The following GOLGA2 variants were observed in gnomAD, a reference collection of about 807,000 sequenced individuals.
The protein encoded by GOLGA2 is golgin A2.
Under a neutral mutation model 148.8 loss-of-function variants are expected in GOLGA2, and 49 were observed. The observed-to-expected ratio is 0.33, with a 90% confidence interval of 0.26 to 0.42. The LOEUF (loss-of-function observed/expected upper bound fraction) is 0.42. Ranked by LOEUF, GOLGA2 falls within the 10% of genes least tolerant of loss-of-function variation. The pLI, the probability that GOLGA2 is intolerant of heterozygous loss-of-function variation, is 1.00. For synonymous variants in GOLGA2, 501 were observed against 511.8 expected (o/e 0.98, Z 0.28); for missense variants, 1,178 against 1,304.6 (o/e 0.90, Z 1.49).
At position 128,261,796 on chromosome 9, in the gene GOLGA2, C is replaced by T; in HGVS notation, c.1135-39G>A. ...AGCGAGAAGTTTAGATCTGGGGAGC[C>T]CAGGCCGTTCCAAATAGTGCCCCTT... On this transcript the variant is annotated intron_variant, in intron 14 of 26. Coordinates refer to ENST00000611957, the MANE Select transcript of GOLGA2 (RefSeq NM_001366244.2). The surrounding 1 kb of genome is among the most constrained non-coding windows in gnomAD (Gnocchi z 5.7). 1 of 1,370,694 alleles carries T rather than the reference C, an allele frequency of 7.3e-7. No individual in the cohort carries two copies. The highest frequency in any genetic ancestry group is 1.2e-5 in the South Asian group (1 of 86,140). The allele number at this position is 1,370,694 out of a possible 1,614,324, so 84.9% of individuals were successfully genotyped here.
Position 128,258,536 on chromosome 9 carries a change from CTCA to C in GOLGA2, c.2205_2207del (p.Asp735del), listed in dbSNP as rs572632320. ...CCACCGCCTCCTCCTCCTCCTCCTCCTCATCCTCCTCCTCCTCCCGGTCCAGTC... is the reference window on the plus strand; with the variant it reads ...CCACCGCCTCCTCCTCCTCCTCCTCCTCCTCCTCCTCCTCCCGGTCCAGTC... On this transcript the variant is annotated inframe_deletion, in exon 22 of 27. Coordinates refer to ENST00000611957, the MANE Select transcript of GOLGA2 (RefSeq NM_001366244.2). The surrounding 1 kb of genome is among the most constrained non-coding windows in gnomAD (Gnocchi z 6.6). The C allele has an allele frequency of 3.9e-4, 611 of 1,556,454 alleles. 2 individuals carry two copies. In the South Asian group the frequency reaches 6.7e-3, roughly 17 times the overall value.
chr9:128,262,510 C>A, intron 14 of GOLGA2, 53 bp downstream of exon 14: 1 of 1,580,174 alleles, frequency 6.3e-7, no homozygotes, highest in African/African-American at 1.3e-5. Flanking sequence ...ATCCCTAGAC[C>A]ATGGCCCCAG....
At position 128,260,747 on chromosome 9, in the gene GOLGA2, T is replaced by C. The variant is rs1830219839; in HGVS notation, c.1476A>G (p.Leu492=). ...TCCGCAGGTGCTCAGCCTCCGCTTG[T>C]AGCTGCTGCTCCACCTCGGAGGGCC... The part of the protein sequence containing the change: ...PAGPSEVEQQ[L]QAEAEHLRKE... Residue 492 remains leucine, a synonymous_variant, in exon 18 of 27, where the codon CTA becomes CTG. Transcript: ENST00000611957. The surrounding 1 kb of genome is among the most constrained non-coding windows in gnomAD (Gnocchi z 4.8). 6.2e-7 allele frequency: 1 copy of C among 1,612,976 alleles called. No homozygotes were observed. The highest frequency in any genetic ancestry group is 8.5e-7 in the Non-Finnish European group (1 of 1,179,780).
At chr9:128,267,363 G>A in intron 7 of GOLGA2, 89 bp from the exon 8 acceptor site, 7 of 1,416,078 alleles carry the variant, frequency 4.9e-6, no homozygotes, top group Non-Finnish European at 6.0e-6. Flanking sequence ...TGTGTGGGCT[G>A]TCTCAGCTGG....
At position 128,260,451 on chromosome 9, in the gene GOLGA2, G is replaced by A. The variant is rs1830186220; in HGVS notation, c.1758+14C>T. 1 of 1,597,466 alleles carries A rather than the reference G, an allele frequency of 6.3e-7. No individual in the cohort carries two copies. Among genetic ancestry groups the A allele is most frequent in the Non-Finnish European group, 8.6e-7 (1 of 1,168,000 alleles). On this transcript the variant is annotated intron_variant, in intron 18 of 26. Transcript: ENST00000611957. This position sits in a 1 kb window ranked among gnomAD's most constrained non-coding sequence, Gnocchi z 4.8. ...CTAGGGAGGAGGGCGGGCTCTCCAGGTGGGGCAGCGCACCAGCTTTACAAA... is the reference window on the plus strand; with the variant it reads ...CTAGGGAGGAGGGCGGGCTCTCCAGATGGGGCAGCGCACCAGCTTTACAAA...
chr9:128,270,070 G>A (rs1290444467), intron 3 of GOLGA2, among the ~76,000 whole-genome samples: 3 of 151,832 alleles, frequency 2.0e-5, no homozygotes, highest in African/African-American at 7.3e-5. Context: ...GGGCCCTCCT[G>A]GCATCTTCGG....
At position 128,260,784 on chromosome 9, in the gene GOLGA2, T is replaced by C; in HGVS notation, c.1439A>G (p.Glu480Gly). Reference sequence around the variant, plus strand: ...CACCTCGGAGGGCCCTGCTGGGGGCTCTGGGGGCGGGGGTTCAGCTGAGAA... The same window carrying C: ...CACCTCGGAGGGCCCTGCTGGGGGCCCTGGGGGCGGGGGTTCAGCTGAGAA... Reference protein sequence around the residue: ...RNQMAEPPPPEPPAGPSEVEQ... With the variant: ...RNQMAEPPPPGPPAGPSEVEQ... The change falls in exon 18 of 27, where the codon GAG becomes GGG. Residue 480 changes from glutamate (E) to glycine (G), a missense_variant. Transcript: ENST00000611957. This position sits in a 1 kb window ranked among gnomAD's most constrained non-coding sequence, Gnocchi z 4.8. 6.2e-7 allele frequency: 1 copy of C among 1,608,052 alleles called. No homozygotes were observed. Among genetic ancestry groups the C allele is most frequent in the African/African-American group, 1.3e-5 (1 of 74,908 alleles).
intron 6 of GOLGA2, 29 bp downstream of exon 6, chr9:128,267,905 C>G (rs770214692): frequency 2.6e-6 from 4 of 1,559,604 alleles, no homozygotes; most frequent in East Asian, 2.2e-5. Flanking sequence ...TTCCCCCCAC[C>G]CCGCTCTCGG....
Position 128,257,442 on chromosome 9 carries a change from G to C in GOLGA2, c.2802C>G (p.Ala934=), listed in dbSNP as rs1829951053. 6.2e-7 allele frequency: 1 copy of C among 1,612,916 alleles called. No homozygotes were observed. The highest frequency in any genetic ancestry group is 8.5e-7 in the Non-Finnish European group (1 of 1,179,978). ...AAGTGGGCTCATCAGCAGGGTTCTG[G>C]GCAGCTGCCAGGAATCTGCCATGCC... is the stretch of plus-strand genomic sequence containing the variant. The part of the protein sequence containing the change: ...NEWHGRFLAA[A]QNPADEPTSG... The change falls in exon 26 of 27, where the codon GCC becomes GCG. Residue 934 remains alanine, a synonymous_variant. Transcript: ENST00000611957. This position sits in a 1 kb window ranked among gnomAD's most constrained non-coding sequence, Gnocchi z 8.0.
rs1209406829 is a variant in GOLGA2 at position 128,258,108 on chromosome 9, G to A, written c.2380C>T (p.Arg794Cys). 6.2e-7 allele frequency: 1 copy of A among 1,609,266 alleles called. No individual in the cohort carries two copies. Among genetic ancestry groups the A allele is most frequent in the Non-Finnish European group, 8.5e-7 (1 of 1,179,584 alleles). ...QLKEQRVRCRRLAHLLASAQK... is the reference protein window; with the variant it reads ...QLKEQRVRCRCLAHLLASAQK... Reference sequence around the variant, plus strand: ...GCCGAGGCCAGCAGGTGAGCCAGGCGCCGGCAGCGCACCCTTTGCTCCTTC... The same window carrying A: ...GCCGAGGCCAGCAGGTGAGCCAGGCACCGGCAGCGCACCCTTTGCTCCTTC... The change falls in exon 23 of 27, where the codon CGC becomes TGC. Residue 794 changes from arginine to cysteine, a missense_variant. Arg to Cys is a radical substitution (Grantham distance 180, BLOSUM62 -3). Around this residue, in one of 5 missense-constraint regions of GOLGA2, gnomAD observed 529 missense variants for 521.8 expected, o/e 1.01. Coordinates refer to ENST00000611957, the MANE Select transcript of GOLGA2 (RefSeq NM_001366244.2). The surrounding 1 kb of genome is among the most constrained non-coding windows in gnomAD (Gnocchi z 6.6).
Position 128,256,980 on chromosome 9 carries a change from G to T in GOLGA2, c.*87C>A, listed in dbSNP as rs1829904789. On this transcript the variant is annotated 3_prime_UTR_variant, in exon 27 of 27. Coordinates refer to ENST00000611957, the MANE Select transcript of GOLGA2 (RefSeq NM_001366244.2). Reference sequence around the variant, plus strand: ...CTATGCTTGCTACTGTAAGGGTAAAGGGTTGACTGAGAAGGGATGGTAGGG... The same window carrying T: ...CTATGCTTGCTACTGTAAGGGTAAATGGTTGACTGAGAAGGGATGGTAGGG... 23 of 1,000,978 alleles carry T rather than the reference G, an allele frequency of 2.3e-5. No homozygotes were observed. The South Asian group carries it at 3.4e-4, about 15-fold the overall frequency. The allele number at this position is 1,000,978 out of a possible 1,614,324, so 62.0% of individuals were successfully genotyped here.
intron 14 of GOLGA2, among the ~76,000 whole-genome samples, chr9:128,262,200 AAAG>A (rs1431520084): frequency 6.6e-6 from 1 of 152,034 alleles, no homozygotes; most frequent in Non-Finnish European, 1.5e-5. Flanking sequence ...AAAAAAAAAA[AAAG>A]ATCTCTACTC....
chr9:128,257,297 G>C lies in GOLGA2; in HGVS notation c.2876-16C>G. 1.9e-6 allele frequency: 3 copies of C among 1,612,564 alleles called. No individual in the cohort carries two copies. Among genetic ancestry groups the C allele is most frequent in the Non-Finnish European group, 2.5e-6 (3 of 1,179,536 alleles). ...TCGCAAAGATCTTTGGAGAGAGAGA[G>C]GCAGGGCTCTGAGTGCCACGCGAGC... is the stretch of plus-strand genomic sequence containing the variant. On this transcript the variant is annotated splice_polypyrimidine_tract_variant and intron_variant, in intron 26 of 26. Transcript: ENST00000611957. This position sits in a 1 kb window ranked among gnomAD's most constrained non-coding sequence, Gnocchi z 8.0.
chr9:128,259,962 T>C, intron 19 of GOLGA2, 114 bp downstream of exon 19: 1 of 757,178 alleles, frequency 1.3e-6, no homozygotes. Context: ...AGGACTGCCC[T>C]GGAGGGTGCT....
intron 4 of GOLGA2, 119 bp downstream of exon 4, chr9:128,268,300 TC>T (rs1289046056): frequency 1.9e-6 from 2 of 1,060,210 alleles, no homozygotes; most frequent in South Asian, 1.3e-5. Context: ...GTCTGAGCCT[TC>T]CCCCGGCCCG....
At position 128,272,818 on chromosome 9, in the gene GOLGA2, A is replaced by C; in HGVS notation, c.255T>G (p.Asn85Lys). ...KVLVSDLNRS[N>K]GVALPPLDKW... is the part of the protein sequence containing the mutation. ...TGTCCAATGGGGGGAGCGCTACCCC[A>C]TTGGAACGGTTAAGGTCGGACACCA... Residue 85 changes from asparagine to lysine, a missense_variant, in exon 3 of 27, where the codon AAT becomes AAG. Around this residue, in one of 5 missense-constraint regions of GOLGA2, gnomAD observed 158 missense variants for 156.6 expected, o/e 1.01. Transcript: ENST00000611957. 1 of 1,281,790 alleles carries C rather than the reference A, an allele frequency of 7.8e-7. No homozygotes were observed. Among genetic ancestry groups the C allele is most frequent in the Non-Finnish European group, 1.0e-6 (1 of 983,768 alleles). The allele number at this position is 1,281,790 out of a possible 1,614,324, so 79.4% of individuals were successfully genotyped here.
Position 128,260,764 on chromosome 9 carries a change from C to G in GOLGA2, c.1459G>C (p.Glu487Gln). Residue 487 changes from glutamate (E) to glutamine (Q), a missense_variant, in exon 18 of 27, where the codon GAG becomes CAG. By Grantham distance (29) the Glu-to-Gln change is conservative (BLOSUM62 2). Coordinates refer to ENST00000611957, the MANE Select transcript of GOLGA2 (RefSeq NM_001366244.2). The surrounding 1 kb of genome is among the most constrained non-coding windows in gnomAD (Gnocchi z 4.8). ...TCCGCTTGTAGCTGCTGCTCCACCT[C>G]GGAGGGCCCTGCTGGGGGCTCTGGG... ...PPPEPPAGPS[E>Q]VEQQLQAEAE... 6.2e-7 allele frequency: 1 copy of G among 1,612,048 alleles called. No individual in the cohort carries two copies. The highest frequency in any genetic ancestry group is 8.5e-7 in the Non-Finnish European group (1 of 1,179,504).
rs1219269115 is a variant in GOLGA2 at position 128,261,484 on chromosome 9, C to T, written c.1302G>A (p.Trp434Ter). 1 of 1,609,474 alleles carries T rather than the reference C, an allele frequency of 6.2e-7. No homozygotes were observed. The highest frequency in any genetic ancestry group is 8.5e-7 in the Non-Finnish European group (1 of 1,175,730). ...CTGACATCTGCTGCATCCTCTGCCG[C>T]CACATGGCGCTCTCTCCTTTGAGAT... Reference protein sequence around the residue: ...AENLKGESAMWRQRMQQMSEQ... With the variant: ...AENLKGESAM The change falls in exon 16 of 27, where the codon TGG becomes TGA. Residue 434 changes from tryptophan (W) to a stop codon, truncating the protein, a stop_gained. Coordinates refer to ENST00000611957, the MANE Select transcript of GOLGA2 (RefSeq NM_001366244.2). LOFTEE classifies it high-confidence loss of function. This position sits in a 1 kb window ranked among gnomAD's most constrained non-coding sequence, Gnocchi z 5.7.
Position 128,256,915 on chromosome 9 carries a change from T to G in GOLGA2, c.*152A>C, listed in dbSNP as rs942810606. 33 of 601,246 alleles carry G rather than the reference T, an allele frequency of 5.5e-5. No homozygotes were observed. Among genetic ancestry groups the G allele is most frequent in the Non-Finnish European group, 9.2e-5 (31 of 336,082 alleles). 37.2% of individuals were successfully genotyped at this position (601,246 alleles called of 1,614,324 possible). A position where few individuals can be genotyped will look rare whatever the true frequency, so the allele number is the denominator to read the frequency against. ...GCCAGCTTTTAGATGACAGTGATCT[T>G]CACCTCATCTGCACCTGTCTACCCC... On this transcript the variant is annotated 3_prime_UTR_variant, in exon 27 of 27. Transcript: ENST00000611957.
Sources: allele counts gnomAD v4.1 joint callset (sites outside exome capture counted in the v4.1 genomes callset), GRCh38; gene constraint gnomAD v4.1.1; regional missense constraint gnomAD v4.1.1; non-coding constraint Gnocchi (gnomAD v3.1); transcripts MANE v1.5; gene names NCBI Gene and HGNC (gene_info 2026-07-23, HGNC 2026-07-21).